The following LINGO2 variants were observed in gnomAD, a reference collection of about 807,000 sequenced individuals.
LINGO2 encodes leucine rich repeat and Ig domain containing 2.
Under a neutral mutation model 30.6 loss-of-function variants are expected in LINGO2, and 14 were observed. That is an observed-to-expected ratio of 0.46 (90% CI 0.30 to 0.72). The LOEUF (loss-of-function observed/expected upper bound fraction) is 0.72, where lower values mean the gene tolerates loss of function less well. LINGO2 is among the 30% of genes least tolerant of loss of function. The pLI is 0.07. For missense variants in LINGO2, 729 were observed against 751.7 expected (o/e 0.97, Z 0.35); for synonymous variants, 317 against 288.5 (o/e 1.10, Z -1.00).
chr9:28,642,906 T>C (rs1173049860), intron 1 of LINGO2, among the ~76,000 whole-genome samples: 4 of 152,102 alleles, frequency 2.6e-5, no homozygotes, highest in Non-Finnish European at 5.9e-5. Flanking sequence ...CTGAAGGTCA[T>C]ACCCACTAAT....
chr9:28,219,618 T>G (rs1451188019), intron 4 of LINGO2, among the ~76,000 whole-genome samples: 1 of 152,192 alleles, frequency 6.6e-6, no homozygotes, highest in Non-Finnish European at 1.5e-5. Flanking sequence ...TCAGTTTAAC[T>G]TCTTTCACAA....
chr9:28,179,276 T>C (rs949596701), intron 4 of LINGO2, among the ~76,000 whole-genome samples: 4 of 146,482 alleles, frequency 2.7e-5, no homozygotes, highest in Non-Finnish European at 6.0e-5. Context: ...TATATAAAAA[T>C]ACTATATATA....
At chr9:28,546,583 T>C (rs190191200) in intron 1 of LINGO2, among the ~76,000 whole-genome samples, 140 of 152,200 alleles carry the variant, frequency 9.2e-4, no homozygotes, top group Admixed American at 2.0e-3. Flanking sequence ...ACAATTTCAT[T>C]ACAGCCAGCT....
Position 27,974,766 on chromosome 9 carries a change from G to T in LINGO2, c.-35-24060C>A, listed in dbSNP as rs527240825. Among the ~76,000 whole-genome samples, 4 of 152,096 alleles carry T rather than the reference G, an allele frequency of 2.6e-5. No homozygotes were observed. The South Asian group carries it at 8.3e-4, about 32-fold the overall frequency. ...TATTCAATATTTCAGCCATCACTAA[G>T]ATGAGAAAAGAAAAAAAAGTTTCTT... On this transcript the variant is annotated intron_variant, in intron 5 of 5. Transcript: ENST00000379992.
At chr9:28,439,527 T>C (rs745821185) in intron 2 of LINGO2, among the ~76,000 whole-genome samples, 7 of 152,108 alleles carry the variant, frequency 4.6e-5, no homozygotes, top group Non-Finnish European at 1.0e-4. Flanking sequence ...GACTGACTCA[T>C]AGGGGCAGAC....
the LINGO2 span, among the ~76,000 whole-genome samples, chr9:28,986,177 G>A: frequency 6.6e-6 from 1 of 151,844 alleles, no homozygotes; most frequent in Non-Finnish European, 1.5e-5. Flanking sequence ...ATATGCCTTG[G>A]TTCATTTCTG....
chr9:28,320,722 G>T (rs915841383), intron 3 of LINGO2, among the ~76,000 whole-genome samples: 2 of 152,132 alleles, frequency 1.3e-5, no homozygotes, highest in Non-Finnish European at 1.5e-5. Context: ...ACCTTCAAAA[G>T]ATTTCTTCTC....
the LINGO2 span, among the ~76,000 whole-genome samples, chr9:28,700,728 C>A: frequency 6.6e-6 from 1 of 152,068 alleles, no homozygotes; most frequent in African/African-American, 2.4e-5. Flanking sequence ...AACTTCCAAA[C>A]TGTTTTCCAA....
chr9:28,881,979 A>G, the LINGO2 span, among the ~76,000 whole-genome samples: 1 of 152,186 alleles, frequency 6.6e-6, no homozygotes, highest in Non-Finnish European at 1.5e-5. Flanking sequence ...TAATATTGTC[A>G]ATTATATTTT....
intron 3 of LINGO2, among the ~76,000 whole-genome samples, chr9:28,303,609 T>C (rs1824231576): frequency 6.6e-6 from 1 of 152,116 alleles, no homozygotes; most frequent in East Asian, 1.9e-4. Flanking sequence ...TTAACACGTG[T>C]TTTGTGTGCT....
chr9:28,149,587 C>T (rs115697958), intron 4 of LINGO2, among the ~76,000 whole-genome samples: 1,758 of 149,692 alleles, frequency 0.012, 32 homozygotes, highest in African/African-American at 0.041. Context: ...GTGGAGTCCG[C>T]CGCCCTGTCT....
At chr9:29,159,930 TCTC>T in the LINGO2 span, among the ~76,000 whole-genome samples, 7 of 152,238 alleles carry the variant, frequency 4.6e-5, no homozygotes, top group Non-Finnish European at 8.8e-5. Context: ...TTACTATTAC[TCTC>T]CTTTTAAAAA....
chr9:28,598,472 G>A (rs1825309848), intron 1 of LINGO2, among the ~76,000 whole-genome samples: 1 of 121,826 alleles, frequency 8.2e-6, no homozygotes, highest in Admixed American at 8.5e-5. Flanking sequence ...GCCAAATAAT[G>A]ATCTGCTTAT....
At chr9:28,863,636 T>C in the LINGO2 span, 1 of 532,402 alleles carries the variant, frequency 1.9e-6, no homozygotes. Context: ...TGAAGCACTA[T>C]GAATTACTTT....
chr9:28,382,819 T>C (rs970581284), intron 2 of LINGO2, among the ~76,000 whole-genome samples: 1 of 152,090 alleles, frequency 6.6e-6, no homozygotes, highest in Admixed American at 6.6e-5. Context: ...TAGTAATAAA[T>C]AGTGTTTACC....
intron 1 of LINGO2, among the ~76,000 whole-genome samples, chr9:28,494,325 G>A (rs143705141): frequency 1.3e-3 from 203 of 151,988 alleles, no homozygotes; most frequent in African/African-American, 4.6e-3. Context: ...CCATGAACTG[G>A]TCATTTACAT....
At chr9:28,058,484 C>T (rs1296908532) in intron 4 of LINGO2, among the ~76,000 whole-genome samples, 1 of 152,086 alleles carries the variant, frequency 6.6e-6, no homozygotes, top group Non-Finnish European at 1.5e-5. Context: ...GCAGCACATG[C>T]TTAAATAAAC....
At chr9:28,247,580 C>T (rs7023702) in intron 4 of LINGO2, among the ~76,000 whole-genome samples, 32,492 of 151,932 alleles carry the variant, frequency 0.21, 3,778 homozygotes, top group East Asian at 0.27. Flanking sequence ...AGGGGAACAA[C>T]GCACACTGGG....
the LINGO2 span, among the ~76,000 whole-genome samples, chr9:28,754,305 CAT>C: frequency 1.3e-5 from 2 of 152,018 alleles, no homozygotes; most frequent in East Asian, 3.9e-4. Context: ...AAAAGTCACT[CAT>C]GTGGTGTTAG....
Sources: gnomAD v4.1 joint callset for allele counts (sites outside exome capture counted in the v4.1 genomes callset) on GRCh38, gnomAD v4.1.1 for gene constraint, MANE v1.5 for transcripts, NCBI Gene and HGNC (gene_info 2026-07-23, HGNC 2026-07-21) for gene names.